The following CEP112 variants were observed in gnomAD, a reference collection of about 807,000 sequenced individuals.
The protein encoded by CEP112 is centrosomal protein of 112 kDa.
CEP112 carries 127 observed loss-of-function variants against 153.0 expected under a neutral mutation model. That is an observed-to-expected ratio of 0.83 (90% CI 0.72 to 0.96). The LOEUF (loss-of-function observed/expected upper bound fraction) is 0.96, where lower values mean the gene tolerates loss of function less well. Ranked by LOEUF, CEP112 falls within the 40% of genes least tolerant of loss-of-function variation. The pLI is 0.00. For synonymous variants in CEP112, 358 were observed against 374.4 expected, an observed-to-expected ratio of 0.96 and a Z score of 0.51; for missense variants, 1,089 against 1,101.2, an observed-to-expected ratio of 0.99 and a Z score of 0.16.
At chr17:66,100,165 C>T (rs938287720) in intron 6 of CEP112, among the ~76,000 whole-genome samples, 10 of 151,688 alleles carry the variant, frequency 6.6e-5, no homozygotes, top group South Asian at 2.1e-4. Flanking sequence ...TGCCTGTAAC[C>T]GAGGTGGGCG....
chr17:65,941,898 T>G (rs752952072), intron 18 of CEP112, among the ~76,000 whole-genome samples: 23 of 152,202 alleles, frequency 1.5e-4, no homozygotes, highest in Middle Eastern at 3.4e-3. Context: ...TTCTTCTGCC[T>G]CAAGTCTTCC....
intron 24 of CEP112, among the ~76,000 whole-genome samples, chr17:65,685,990 G>A (rs2047767943): frequency 6.6e-6 from 1 of 151,818 alleles, no homozygotes; most frequent in South Asian, 2.1e-4. Flanking sequence ...GACTACTTGT[G>A]TTAGTGTCAC....
rs1598316899 is a variant in CEP112, at chr17:66,083,985, T to C, written c.768+12266A>G. 2.0e-5 allele frequency among the ~76,000 whole-genome samples: 3 copies of C among 152,332 alleles called. 1 individual carries two copies. In the East Asian group the frequency reaches 5.8e-4, roughly 29 times the overall value. On this transcript the variant is annotated intron_variant, in intron 8 of 26. Transcript: ENST00000535342. ...TAAATAGACAAAAAAGAGGTAATTT[T>C]TTGTTATGTTGGAAGGTGAAAGGCT...
intron 4 of CEP112, among the ~76,000 whole-genome samples, chr17:66,169,656 C>T (rs1479590249): frequency 6.6e-6 from 1 of 152,070 alleles, no homozygotes; most frequent in African/African-American, 2.4e-5. Context: ...ATGGTGATTA[C>T]CACTCCAAAG....
At chr17:66,069,843 T>C (rs1345998949) in intron 9 of CEP112, 72 bp downstream of exon 9, 3 of 811,118 alleles carry the variant, frequency 3.7e-6, no homozygotes, top group Admixed American at 2.5e-5. Context: ...GATGGATAAC[T>C]GGATGGATCA....
At chr17:65,713,823 C>T (rs111272397) in intron 23 of CEP112, among the ~76,000 whole-genome samples, 34 of 151,948 alleles carry the variant, frequency 2.2e-4, no homozygotes, top group Non-Finnish European at 4.4e-4. Context: ...CTCCTGACCT[C>T]GTGATCCGCC....
At chr17:65,735,919 T>G (rs1181521261) in intron 23 of CEP112, among the ~76,000 whole-genome samples, 1 of 152,194 alleles carries the variant, frequency 6.6e-6, no homozygotes, top group African/African-American at 2.4e-5. Flanking sequence ...GTGTTTTGTA[T>G]GCCATATTGA....
rs552614103 is a variant in CEP112 at position 65,979,415 on chromosome 17, T to A, written c.1737-17817A>T. Among the ~76,000 whole-genome samples the A allele has an allele frequency of 4.6e-5, 7 of 151,954 alleles. No homozygotes were observed. The South Asian group carries it at 1.2e-3, about 27-fold the overall frequency. ...CGCGGGTCTATTTTTATTAAAAAAA[T>A]TTTTGGTAAAGATAGAGTCTCACTA... On this transcript the variant is annotated intron_variant, in intron 17 of 26. Transcript: ENST00000535342.
intron 21 of CEP112, among the ~76,000 whole-genome samples, chr17:65,764,576 T>G (rs951428482): frequency 1.3e-5 from 2 of 152,098 alleles, no homozygotes. Flanking sequence ...AATCTAAATA[T>G]GGCCACTTCT....
chr17:65,886,847 G>C (rs111319568), intron 20 of CEP112, among the ~76,000 whole-genome samples: 1 of 152,112 alleles, frequency 6.6e-6, no homozygotes, highest in African/African-American at 2.4e-5. Flanking sequence ...AAGAGAAAGG[G>C]TTGCTTAGGG....
chr17:66,022,547 A>T (rs10853071), intron 16 of CEP112, among the ~76,000 whole-genome samples: 62,190 of 151,456 alleles, frequency 0.41, 14,233 homozygotes, highest in East Asian at 0.87. Context: ...CTCTACTAAA[A>T]ATACAAAAAA....
chr17:65,837,459 C>T (rs576734711), intron 21 of CEP112, among the ~76,000 whole-genome samples: 14 of 152,020 alleles, frequency 9.2e-5, no homozygotes, highest in Non-Finnish European at 1.3e-4. Flanking sequence ...GCCGCTACCC[C>T]GTCTGGGAAC....
chr17:65,859,706 G>A (rs1389874307), intron 20 of CEP112, among the ~76,000 whole-genome samples: 4 of 145,102 alleles, frequency 2.8e-5, no homozygotes, highest in Non-Finnish European at 3.0e-5. Context: ...TGTATGACAA[G>A]AACATAAAAA....
chr17:65,911,441 A>G (rs1364465646), intron 19 of CEP112, among the ~76,000 whole-genome samples: 1 of 152,256 alleles, frequency 6.6e-6, no homozygotes, highest in African/African-American at 2.4e-5. Context: ...CACAAAATTT[A>G]AAAATTACTC....
At chr17:65,770,928 T>TAAAAAAA (rs34049976) in intron 21 of CEP112, among the ~76,000 whole-genome samples, 2 of 124,296 alleles carry the variant, frequency 1.6e-5, no homozygotes, top group African/African-American at 3.2e-5. Context: ...GACTCCGTCT[T>TAAAAAAA]AAAAAAAAAA....
intron 2 of CEP112, among the ~76,000 whole-genome samples, chr17:66,181,154 A>G (rs2072703547): frequency 6.6e-6 from 1 of 152,188 alleles, no homozygotes; most frequent in African/African-American, 2.4e-5. Context: ...ATGTAAAATA[A>G]TGGGAAAACC....
At chr17:65,804,177 T>C (rs2055449191) in intron 21 of CEP112, among the ~76,000 whole-genome samples, 1 of 152,162 alleles carries the variant, frequency 6.6e-6, no homozygotes, top group Non-Finnish European at 1.5e-5. Flanking sequence ...TTTCGTCTGG[T>C]TTCCCTAAGC....
chr17:65,937,506 GC>G (rs2061360151), intron 18 of CEP112, among the ~76,000 whole-genome samples: 2 of 110,794 alleles, frequency 1.8e-5, no homozygotes, highest in African/African-American at 3.1e-5. Context: ...CCTGGCAACC[GC>G]CCCGTCTGAG....
chr17:65,660,340 T>C (rs1386928616), intron 24 of CEP112, among the ~76,000 whole-genome samples: 2 of 95,714 alleles, frequency 2.1e-5, no homozygotes, highest in Non-Finnish European at 4.1e-5. Flanking sequence ...CTTTCTTTCT[T>C]TTTCTCTCTC....
Sources: allele counts gnomAD v4.1 joint callset (sites outside exome capture counted in the v4.1 genomes callset), GRCh38; gene constraint gnomAD v4.1.1; transcripts MANE v1.5; gene names NCBI Gene and HGNC (gene_info 2026-07-23, HGNC 2026-07-21).